NEBL: variants seen among roughly 807,000 people sequenced by gnomAD.
NEBL encodes nebulette.
NEBL carries 122 observed loss-of-function variants against 140.2 expected under a neutral mutation model. That is an observed-to-expected ratio of 0.87 (90% CI 0.75 to 1.01). The LOEUF (loss-of-function observed/expected upper bound fraction) is 1.01, where lower values mean the gene tolerates loss of function less well. Ranked by LOEUF, NEBL falls within the 50% of genes least tolerant of loss-of-function variation. The pLI is 0.00. For synonymous variants in NEBL, 436 were observed against 398.9 expected, an observed-to-expected ratio of 1.09 and a Z score of -1.11; for missense variants, 1,365 against 1,231.3, an observed-to-expected ratio of 1.11 and a Z score of -1.62.
chr10:20,928,055 C>T lies in NEBL; in HGVS notation c.357+33617G>A, dbSNP rs73607554. Among the ~76,000 whole-genome samples the T allele has an allele frequency of 8.8e-3, 1,335 of 152,234 alleles. 19 individuals carry two copies. The highest frequency in any genetic ancestry group is 0.031 in the African/African-American group (1,279 of 41,542). On this transcript the variant is annotated intron_variant, in intron 4 of 6. Transcript: ENST00000417816. ...GCAGATCCAAATTGTCATTTCAACACGTTATTGATATAAAATTATTAATGG... is the reference window on the plus strand; with the variant it reads ...GCAGATCCAAATTGTCATTTCAACATGTTATTGATATAAAATTATTAATGG...
At chr10:20,846,560 C>A (rs952305400) in intron 11 of NEBL, among the ~76,000 whole-genome samples, 2 of 152,118 alleles carry the variant, frequency 1.3e-5, no homozygotes, top group South Asian at 4.1e-4. Context: ...GCATTGAGAA[C>A]ATCCTGAACT....
chr10:20,850,603 A>G (rs1318782791), intron 10 of NEBL, 101 bp from the exon 11 acceptor site: 2 of 792,802 alleles, frequency 2.5e-6, no homozygotes, highest in Non-Finnish European at 4.2e-6. Flanking sequence ...CTTGTTGTCT[A>G]AAATCATATT....
intron 4 of NEBL, among the ~76,000 whole-genome samples, chr10:20,929,508 CACAGATGCAG>C (rs1197246228): frequency 6.6e-6 from 1 of 152,142 alleles, no homozygotes; most frequent in Non-Finnish European, 1.5e-5. Flanking sequence ...CATATTTCAT[CACAGATGCAG>C]ACAGATGCCC....
At chr10:21,060,243 T>A (rs893882) in intron 2 of NEBL, among the ~76,000 whole-genome samples, 61,972 of 151,972 alleles carry the variant, frequency 0.41, 12,716 homozygotes, top group Middle Eastern at 0.47. Context: ...CCACAGCACA[T>A]CTGCCTGTAA....
chr10:21,070,926 C>T (rs1227804420), intron 2 of NEBL, among the ~76,000 whole-genome samples: 3 of 152,000 alleles, frequency 2.0e-5, no homozygotes, highest in Non-Finnish European at 2.9e-5. Flanking sequence ...CCTGTAACCC[C>T]AACACTTTGG....
chr10:20,973,253 T>C (rs1836658629), intron 3 of NEBL, among the ~76,000 whole-genome samples: 1 of 151,870 alleles, frequency 6.6e-6, no homozygotes, highest in South Asian at 2.1e-4. Flanking sequence ...TTTTCTTTTT[T>C]TTTTTTTTTA....
Position 21,058,008 on chromosome 10 carries a change from G to C in NEBL, c.165-37807C>G, listed in dbSNP as rs549374639. Among the ~76,000 whole-genome samples the C allele has an allele frequency of 4.6e-5, 7 of 152,248 alleles. No homozygotes were observed. In the South Asian group the frequency reaches 1.5e-3, roughly 32 times the overall value. ...CTGACTTTCCATCTATTTTTTCTGA[G>C]AGATACATCACTTTGAAAACAGGGC... On this transcript the variant is annotated intron_variant, in intron 2 of 6. Coordinates refer to the NEBL transcript ENST00000417816.
upstream of NEBL, chr10:20,897,493 G>A: frequency 1.7e-6 from 2 of 1,148,912 alleles, no homozygotes; most frequent in South Asian, 2.9e-5. Flanking sequence ...CACTGGTTAA[G>A]AAATCCAAAA....
At chr10:20,959,668 T>C (rs926140642) in intron 4 of NEBL, among the ~76,000 whole-genome samples, 4 of 152,142 alleles carry the variant, frequency 2.6e-5, no homozygotes, top group African/African-American at 9.6e-5. Flanking sequence ...AATGGTAATA[T>C]TATGAAGTCT....
chr10:20,991,547 C>G (rs1236451878), intron 3 of NEBL, among the ~76,000 whole-genome samples: 1 of 152,020 alleles, frequency 6.6e-6, no homozygotes, highest in African/African-American at 2.4e-5. Context: ...AGAGGTTCTA[C>G]TGAGATTTTT....
intron 3 of NEBL, among the ~76,000 whole-genome samples, chr10:21,189,442 CTGT>C (rs1158120465): frequency 6.6e-6 from 1 of 152,090 alleles, no homozygotes; most frequent in Non-Finnish European, 1.5e-5. Flanking sequence ...GACCAGCTTT[CTGT>C]TGTTGCTTTT....
intron 3 of NEBL, among the ~76,000 whole-genome samples, chr10:20,993,030 G>T (rs1015644750): frequency 1.3e-5 from 2 of 151,612 alleles, no homozygotes; most frequent in African/African-American, 4.8e-5. Context: ...TGATCTGCCC[G>T]CCTCGGCCTC....
At chr10:21,115,441 G>C (rs1309657225) in intron 2 of NEBL, among the ~76,000 whole-genome samples, 1 of 151,892 alleles carries the variant, frequency 6.6e-6, no homozygotes, top group African/African-American at 2.4e-5. Flanking sequence ...TGGTCAGCTG[G>C]TGACAAATTC....
chr10:20,869,315 T>C (rs1037893951), intron 6 of NEBL, among the ~76,000 whole-genome samples: 3 of 152,084 alleles, frequency 2.0e-5, no homozygotes, highest in African/African-American at 7.2e-5. Flanking sequence ...AGTTACGCCA[T>C]GTAGGAAGTG....
intron 26 of NEBL, among the ~76,000 whole-genome samples, chr10:20,803,031 G>C (rs920694777): frequency 8.6e-5 from 13 of 152,030 alleles, no homozygotes; most frequent in Non-Finnish European, 1.9e-4. Flanking sequence ...CCAATGTCTC[G>C]TCCTCCAGTT....
chr10:21,108,363 C>T (rs1419421897), intron 2 of NEBL, among the ~76,000 whole-genome samples: 1 of 152,076 alleles, frequency 6.6e-6, no homozygotes, highest in Non-Finnish European at 1.5e-5. Context: ...TACGTTGTGT[C>T]TTCATTCTCA....
intron 2 of NEBL, among the ~76,000 whole-genome samples, chr10:21,143,019 G>A (rs1437507279): frequency 1.3e-5 from 2 of 152,170 alleles, no homozygotes; most frequent in Non-Finnish European, 2.9e-5. Context: ...GTGTGGGTAT[G>A]TGTGATTAAA....
chr10:21,111,822 A>C lies in NEBL; in HGVS notation c.164+60561T>G, dbSNP rs1029189048. Among the ~76,000 whole-genome samples, 11 of 151,848 alleles carry C rather than the reference A, an allele frequency of 7.2e-5. No individual in the cohort carries two copies. The East Asian group carries it at 2.1e-3, about 29-fold the overall frequency. ...CAGGCAACCTACAGAATGGGAGAAAATCTTTGCAATCTGCCCATCTGACAA... is the reference window on the plus strand; with the variant it reads ...CAGGCAACCTACAGAATGGGAGAAACTCTTTGCAATCTGCCCATCTGACAA... On this transcript the variant is annotated intron_variant, in intron 2 of 6. Transcript: ENST00000417816.
In NEBL at chr10:20,815,683, G is replaced by A. The variant is rs747856258; in HGVS notation, c.2183C>T (p.Thr728Ile). ...TTCCATTTCAGGAGTTACACTTAAA[G>A]TGGTAGCTCTTCCCAGCTGACCTCT... Reference protein sequence around the residue: ...YYRGQLGRATTLSVTPEMERV... With the variant: ...YYRGQLGRATILSVTPEMERV... Residue 728 changes from threonine to isoleucine, a missense_variant, in exon 22 of 28, where the codon ACT (threonine) becomes ATT (isoleucine). By Grantham distance (89) the Thr-to-Ile change is moderately conservative. Coordinates refer to ENST00000377122, the MANE Select transcript of NEBL (RefSeq NM_006393.3). The A allele has an allele frequency of 1.9e-6, 3 of 1,612,166 alleles. No homozygotes were observed. The African/African-American group carries it at 4.0e-5, about 22-fold the overall frequency.
Sources: gnomAD v4.1 joint callset for allele counts (sites outside exome capture counted in the v4.1 genomes callset) on GRCh38, gnomAD v4.1.1 for gene constraint, MANE v1.5 for transcripts, NCBI Gene and HGNC (gene_info 2026-07-23, HGNC 2026-07-21) for gene names.